DPYD: variants seen among roughly 807,000 people sequenced by gnomAD.
DPYD encodes the protein dihydropyrimidine dehydrogenase [NADP(+)].
DPYD carries 109 observed loss-of-function variants against 116.2 expected under a neutral mutation model. The observed-to-expected ratio is 0.94, with a 90% CI of 0.80 to 1.10. The LOEUF (loss-of-function observed/expected upper bound fraction) is 1.10, where lower values mean the gene tolerates loss of function less well. DPYD is among the 50% of genes least tolerant of loss of function. The pLI, the probability that DPYD is intolerant of heterozygous loss-of-function variation, is 0.00. For missense variants in DPYD, 1,302 were observed against 1,254.5 expected (o/e 1.04, Z -0.57); for synonymous variants, 440 against 432.0 (o/e 1.02, Z -0.23).
intron 2 of DPYD, among the ~76,000 whole-genome samples, chr1:97,841,214 C>T (rs928926110): frequency 2.6e-5 from 4 of 151,948 alleles, no homozygotes; most frequent in African/African-American, 9.7e-5. Context: ...GATTGCAAGG[C>T]TCAGATAATT....
chr1:97,290,624 G>A (rs1015037307), intron 18 of DPYD, among the ~76,000 whole-genome samples: 3 of 152,122 alleles, frequency 2.0e-5, no homozygotes, highest in South Asian at 4.1e-4. Context: ...GGGAAAACTG[G>A]CTAGCCATAT....
intron 13 of DPYD, among the ~76,000 whole-genome samples, chr1:97,457,972 GA>G (rs1676786131): frequency 6.6e-6 from 1 of 152,146 alleles, no homozygotes; most frequent in Non-Finnish European, 1.5e-5. Flanking sequence ...CAGACAGACT[GA>G]TTAAATTATT....
chr1:97,756,821 A>C (rs1303990782), intron 3 of DPYD, among the ~76,000 whole-genome samples: 1 of 152,128 alleles, frequency 6.6e-6, no homozygotes, highest in Non-Finnish European at 1.5e-5. Flanking sequence ...TTTTCAGTTA[A>C]ATATGCTATA....
At chr1:97,188,348 G>A (rs1188413780) in intron 20 of DPYD, among the ~76,000 whole-genome samples, 1 of 152,128 alleles carries the variant, frequency 6.6e-6, no homozygotes, top group Admixed American at 6.6e-5. Flanking sequence ...GACTGCTGCT[G>A]TTCTTAAAAG....
At chr1:97,888,993 C>T (rs200180661) in intron 1 of DPYD, among the ~76,000 whole-genome samples, 2 of 151,922 alleles carry the variant, frequency 1.3e-5, no homozygotes, top group East Asian at 1.9e-4. Context: ...CCTGTCTCTA[C>T]TAAAAATACA....
At chr1:97,773,549 G>A (rs1666247821) in intron 3 of DPYD, among the ~76,000 whole-genome samples, 1 of 152,068 alleles carries the variant, frequency 6.6e-6, no homozygotes, top group Admixed American at 6.5e-5. Context: ...CCCATCCTGT[G>A]CCTATAAAAA....
intron 19 of DPYD, among the ~76,000 whole-genome samples, chr1:97,234,130 C>A (rs1028722226): frequency 2.6e-5 from 4 of 152,118 alleles, no homozygotes; most frequent in Non-Finnish European, 5.9e-5. Context: ...ACAGTCTAGT[C>A]ATATAAAAAG....
At chr1:97,765,926 A>G (rs902771938) in intron 3 of DPYD, among the ~76,000 whole-genome samples, 2 of 152,162 alleles carry the variant, frequency 1.3e-5, no homozygotes, top group Non-Finnish European at 2.9e-5. Flanking sequence ...AAGAATGGTG[A>G]CCTGTGTTAT....
At chr1:97,309,577 T>G (rs1667377300) in intron 16 of DPYD, among the ~76,000 whole-genome samples, 1 of 151,608 alleles carries the variant, frequency 6.6e-6, no homozygotes, top group East Asian at 1.9e-4. Context: ...AGCAGACTTG[T>G]GAAGTGCTGA....
chr1:97,474,400 T>A (rs1187103730), intron 13 of DPYD, among the ~76,000 whole-genome samples: 1 of 152,036 alleles, frequency 6.6e-6, no homozygotes, highest in African/African-American at 2.4e-5. Flanking sequence ...ACAGATCAGG[T>A]GTTCTGTCAG....
At chr1:97,238,264 T>G (rs894395464) in intron 18 of DPYD, among the ~76,000 whole-genome samples, 3 of 152,126 alleles carry the variant, frequency 2.0e-5, no homozygotes, top group Admixed American at 2.0e-4. Flanking sequence ...ATCCAAAAAA[T>G]GAAGAAATGA....
At position 97,676,102 on chromosome 1, in the gene DPYD, T is replaced by G. The variant is rs1040296643; in HGVS notation, c.850+2993A>C. ...TAACCAACATGTATGCACCAGGTAC[T>G]AAGAGTGTTTTCTTTGCTACTAAGT... is the stretch of plus-strand genomic sequence containing the variant. On this transcript the variant is annotated intron_variant, in intron 8 of 22. Transcript: ENST00000370192. Among the ~76,000 whole-genome samples, 7 of 152,168 alleles carry G rather than the reference T, an allele frequency of 4.6e-5. No homozygotes were observed. In the East Asian group the frequency reaches 1.3e-3, roughly 29 times the overall value.
chr1:97,791,574 T>C (rs1226683747), intron 3 of DPYD, among the ~76,000 whole-genome samples: 2 of 152,234 alleles, frequency 1.3e-5, no homozygotes, highest in Non-Finnish European at 2.9e-5. Context: ...AAGCCATGCT[T>C]AAGTCTAGTA....
intron 16 of DPYD, among the ~76,000 whole-genome samples, chr1:97,340,740 C>A (rs565916066): frequency 6.6e-6 from 1 of 152,234 alleles, no homozygotes; most frequent in African/African-American, 2.4e-5. Flanking sequence ...TAGATTTTGA[C>A]TGATCAGTCA....
chr1:97,211,572 A>G (rs1660034482), intron 19 of DPYD, among the ~76,000 whole-genome samples: 1 of 152,126 alleles, frequency 6.6e-6, no homozygotes. Flanking sequence ...TTCAAAGCCA[A>G]TCTCTCCTTG....
At chr1:97,138,402 A>C (rs189903061) in intron 20 of DPYD, among the ~76,000 whole-genome samples, 13 of 152,264 alleles carry the variant, frequency 8.5e-5, no homozygotes, top group African/African-American at 2.9e-4. Flanking sequence ...AAATCTCTGG[A>C]GAATACTAGG....
intron 8 of DPYD, among the ~76,000 whole-genome samples, chr1:97,662,023 C>T (rs1342102817): frequency 1.7e-5 from 2 of 119,070 alleles, no homozygotes; most frequent in Non-Finnish European, 3.3e-5. Context: ...TTTACGGAGT[C>T]TCGCTCCGTC....
intron 14 of DPYD, among the ~76,000 whole-genome samples, chr1:97,393,432 A>G (rs1283437551): frequency 6.6e-6 from 1 of 151,594 alleles, no homozygotes; most frequent in Non-Finnish European, 1.5e-5. Flanking sequence ...TCCTAATGCT[A>G]TCCCTCCCCA....
intron 18 of DPYD, among the ~76,000 whole-genome samples, chr1:97,282,521 A>G (rs981886224): frequency 9.2e-5 from 14 of 152,104 alleles, no homozygotes; most frequent in African/African-American, 1.7e-4. Context: ...AGTTTATTTG[A>G]CTAGACAGAA....
Sources: gnomAD v4.1 joint callset for allele counts (sites outside exome capture counted in the v4.1 genomes callset) on GRCh38, gnomAD v4.1.1 for gene constraint, MANE v1.5 for transcripts, NCBI Gene and HGNC (gene_info 2026-07-23, HGNC 2026-07-21) for gene names.